Variants in FBXL20 observed in about 807,000 individuals in gnomAD.
The protein encoded by FBXL20 is F-box and leucine rich repeat protein 20.
A neutral mutation model predicts 64.0 loss-of-function variants in FBXL20; 11 were observed. The observed-to-expected ratio is 0.17, with a 90% CI of 0.11 to 0.28. The LOEUF (loss-of-function observed/expected upper bound fraction) is 0.28. Ranked by LOEUF, FBXL20 falls within the 10% of genes least tolerant of loss-of-function variation. FBXL20 has a pLI of 1.00. For missense variants in FBXL20, 303 were observed against 526.2 expected (o/e 0.58, Z 4.15); for synonymous variants, 184 against 189.0 (o/e 0.97, Z 0.22).
intron 2 of FBXL20, among the ~76,000 whole-genome samples, chr17:39,324,367 C>T (rs1597798371): frequency 7.0e-6 from 1 of 142,994 alleles, no homozygotes; most frequent in East Asian, 1.9e-4. Flanking sequence ...CGGCTCACCA[C>T]AACCTCCACC....
At position 39,262,719 on chromosome 17, in the gene FBXL20, C is replaced by A. The variant is rs1354280543; in HGVS notation, c.1204-1152G>T. On this transcript the variant is annotated intron_variant, in intron 14 of 14. Transcript: ENST00000264658. ...CAGCTTTTTAAAACTTCTTTTTCGG[C>A]CGGGCGCAGTGGCTCATGCCTGTAA... 6.6e-5 allele frequency among the ~76,000 whole-genome samples: 10 copies of A among 151,874 alleles called. No homozygotes were observed. In the South Asian group the frequency reaches 2.1e-3, roughly 32 times the overall value.
intron 1 of FBXL20, among the ~76,000 whole-genome samples, chr17:39,398,911 G>C (rs1037218612): frequency 6.6e-6 from 1 of 152,036 alleles, no homozygotes; most frequent in Non-Finnish European, 1.5e-5. Context: ...CTGACCTCGT[G>C]ATCCACCCAC....
intron 2 of FBXL20, among the ~76,000 whole-genome samples, chr17:39,332,673 C>G (rs972811351): frequency 3.3e-5 from 5 of 151,418 alleles, no homozygotes; most frequent in Non-Finnish European, 7.4e-5. Flanking sequence ...TCCCAAGTAG[C>G]TGGGACTACA....
chr17:39,292,936 G>A (rs575947197), intron 6 of FBXL20, among the ~76,000 whole-genome samples: 4 of 151,456 alleles, frequency 2.6e-5, no homozygotes, highest in Admixed American at 6.6e-5. Flanking sequence ...GCGATTACAG[G>A]CACCCGCCAT....
intron 1 of FBXL20, among the ~76,000 whole-genome samples, chr17:39,347,621 T>A (rs1430962591): frequency 1.3e-5 from 2 of 152,210 alleles, no homozygotes; most frequent in African/African-American, 2.4e-5. Context: ...TTGTAAAAAT[T>A]TTCTCCCATT....
At chr17:39,271,466 C>G (rs1278595451) in intron 10 of FBXL20, among the ~76,000 whole-genome samples, 1 of 151,788 alleles carries the variant, frequency 6.6e-6, no homozygotes, top group Non-Finnish European at 1.5e-5. Context: ...GGCGTGGTGG[C>G]GGGTGCCTGT....
intron 4 of FBXL20, among the ~76,000 whole-genome samples, chr17:39,299,860 G>A (rs1308345761): frequency 1.3e-5 from 2 of 152,076 alleles, no homozygotes; most frequent in African/African-American, 2.4e-5. Context: ...CACTTTGGGA[G>A]GCTGAGGCAG....
rs995231040 is a variant in FBXL20 at position 39,319,956 on chromosome 17, C to T, written c.105-16317G>A. Among the ~76,000 whole-genome samples, 5 of 152,096 alleles carry T rather than the reference C, an allele frequency of 3.3e-5. No homozygotes were observed. The East Asian group carries it at 5.8e-4, about 18-fold the overall frequency. ...ATACTGTGTATTACACTTACTTTGA[C>T]GGGCTGATTTTAATTGAAAAACACA... On this transcript the variant is annotated intron_variant, in intron 2 of 14. Transcript: ENST00000264658.
intron 1 of FBXL20, among the ~76,000 whole-genome samples, chr17:39,356,830 TTTTTTAA>T (rs1166948210): frequency 6.0e-5 from 9 of 151,204 alleles, no homozygotes; most frequent in Non-Finnish European, 1.3e-4. Context: ...TAATTTTTTT[TTTTTTAA>T]TTTTGCAGTA....
At chr17:39,289,682 C>T (rs1260454187) in intron 6 of FBXL20, among the ~76,000 whole-genome samples, 1 of 150,590 alleles carries the variant, frequency 6.6e-6, no homozygotes, top group African/African-American at 2.4e-5. Flanking sequence ...CAAACTATAA[C>T]AATACTGAGT....
At chr17:39,315,863 GAGAGA>G (rs2047285856) in intron 2 of FBXL20, among the ~76,000 whole-genome samples, 2 of 129,762 alleles carry the variant, frequency 1.5e-5, no homozygotes, top group East Asian at 4.5e-4. Flanking sequence ...GAGAGAGAGA[GAGAGA>G]GAGCAACTGT....
chr17:39,286,062 T>C (rs1434159283), intron 6 of FBXL20, among the ~76,000 whole-genome samples: 1 of 152,216 alleles, frequency 6.6e-6, no homozygotes, highest in African/African-American at 2.4e-5. Flanking sequence ...TGGTCTGGTA[T>C]TGGGCTGAAA....
intron 3 of FBXL20, 97 bp downstream of exon 3, chr17:39,303,488 A>G (rs977742735): frequency 3.0e-6 from 3 of 1,008,892 alleles, no homozygotes; most frequent in Non-Finnish European, 4.3e-6. Flanking sequence ...ATGAAAACAT[A>G]CAAGTAACAC....
intron 1 of FBXL20, among the ~76,000 whole-genome samples, chr17:39,380,540 T>C (rs1184455056): frequency 1.3e-5 from 2 of 152,204 alleles, no homozygotes; most frequent in Non-Finnish European, 2.9e-5. Context: ...TGCTCAAATA[T>C]TACCTTAATA....
chr17:39,288,259 C>T (rs555217174), intron 6 of FBXL20, among the ~76,000 whole-genome samples: 37 of 152,086 alleles, frequency 2.4e-4, no homozygotes, highest in African/African-American at 8.0e-4. Flanking sequence ...GGTGAGCCAC[C>T]GCACCTGGTG....
chr17:39,324,008 A>ACCCCCCCCCCCCC (rs138382317), intron 2 of FBXL20, among the ~76,000 whole-genome samples: 6 of 129,058 alleles, frequency 4.6e-5, no homozygotes, highest in Admixed American at 1.6e-4. Context: ...TCGTGATCCA[A>ACCCCCCCCCCCCC]CCCCCTCCCC....
chr17:39,301,161 C>T (rs1567870274), intron 3 of FBXL20, 86 bp from the exon 4 acceptor site: 5 of 1,235,318 alleles, frequency 4.0e-6, no homozygotes, highest in Middle Eastern at 1.8e-4. Flanking sequence ...ATTCAACCAA[C>T]TAATGACTAA....
chr17:39,319,229 C>G (rs1180592991), intron 2 of FBXL20, among the ~76,000 whole-genome samples: 5 of 151,550 alleles, frequency 3.3e-5, no homozygotes, highest in African/African-American at 1.2e-4. Context: ...AGCCTGGCAA[C>G]AGAGCAAGAC....
At chr17:39,376,989 GAGTTTAT>G (rs1332427587) in intron 1 of FBXL20, among the ~76,000 whole-genome samples, 2 of 152,190 alleles carry the variant, frequency 1.3e-5, no homozygotes, top group East Asian at 1.9e-4. Context: ...AGGATAAACT[GAGTTTAT>G]AGTTTAAAAC....
Sources: gnomAD v4.1 joint callset for allele counts (sites outside exome capture counted in the v4.1 genomes callset) on GRCh38, gnomAD v4.1.1 for gene constraint, MANE v1.5 for transcripts, NCBI Gene and HGNC (gene_info 2026-07-23, HGNC 2026-07-21) for gene names.